MARCO: variants seen among roughly 807,000 people sequenced by gnomAD.
MARCO encodes macrophage receptor MARCO.
In MARCO, 72 loss-of-function variants were observed where a neutral mutation model predicts 70.0. The ratio of observed to expected loss-of-function variants is 1.03; its 90% CI spans 0.85 to 1.25. MARCO has a LOEUF of 1.25. Among genes scored for constraint, MARCO ranks in the 50% most tolerant of loss-of-function variants. The pLI, the probability that MARCO is intolerant of heterozygous loss-of-function variation, is 0.00. For synonymous variants in MARCO, 273 were observed against 243.1 expected (o/e 1.12, Z -1.14); for missense variants, 696 against 659.3 (o/e 1.06, Z -0.61).
Position 118,990,569 on chromosome 2 carries a change from C to CTTTTTTTTTTTTT in MARCO, c.1064-14_1064-13insTTTTTTTTTTTTT. The CTTTTTTTTTTTTT allele has an allele frequency of 1.4e-6, 2 of 1,415,980 alleles. No homozygotes were observed. The highest frequency in any genetic ancestry group is 1.9e-6 in the Non-Finnish European group (2 of 1,028,336). The allele number at this position is 1,415,980 out of a possible 1,614,324, so 87.7% of individuals were successfully genotyped here. On this transcript the variant is annotated intron_variant, in intron 12 of 16. Transcript: ENST00000327097. ...AGTTTTATTATCTCCTCCCCCCCCC[C>CTTTTTTTTTTTTT]TTTTTTGTTTTGATCTTAGGACTTC...
At chr2:118,993,380 G>T (rs930487991) in intron 16 of MARCO, 80 bp downstream of exon 16, 1 of 1,408,532 alleles carries the variant, frequency 7.1e-7, no homozygotes, top group African/African-American at 1.4e-5. Flanking sequence ...GTTGGCAAGT[G>T]ACTCAGTGTG....
rs770724209 is a variant in MARCO, at chr2:118,992,462, A to G, written c.1238A>G (p.Glu413Gly). 4.3e-6 allele frequency: 7 copies of G among 1,609,468 alleles called. No individual in the cohort carries two copies. Among genetic ancestry groups the G allele is most frequent in the East Asian group, 2.2e-5 (1 of 44,800 alleles). The stretch of plus-strand genomic sequence containing the variant: ...TCTGGGGAGCAAGGAGTAAAGGGAG[A>G]AAAAGGTGAAAGAGGTAATCACTAT... ...GSSGEQGVKGEKGERGENSVS... is the reference protein window; with the variant it reads ...GSSGEQGVKGGKGERGENSVS... Residue 413 changes from glutamate to glycine, a missense_variant, in exon 15 of 17, where the codon GAA becomes GGA. Glu to Gly is a moderately conservative substitution (Grantham distance 98, BLOSUM62 -2). Coordinates refer to ENST00000327097, the MANE Select transcript of MARCO (RefSeq NM_006770.4).
At chr2:118,975,188 C>T (rs1680257022) in intron 6 of MARCO, among the ~76,000 whole-genome samples, 1 of 152,200 alleles carries the variant, frequency 6.6e-6, no homozygotes, top group African/African-American at 2.4e-5. Context: ...GGGCCCAGAG[C>T]TGTCCCTCCC....
At chr2:118,980,549 T>A (rs1371565) in intron 8 of MARCO, among the ~76,000 whole-genome samples, 18,934 of 152,246 alleles carry the variant, frequency 0.12, 2,154 homozygotes, top group African/African-American at 0.3. Context: ...AAATCATAGA[T>A]TGGAGCAATA....
At chr2:118,982,973 G>T (rs548677545) in intron 12 of MARCO, among the ~76,000 whole-genome samples, 1 of 152,194 alleles carries the variant, frequency 6.6e-6, no homozygotes, top group African/African-American at 2.4e-5. Flanking sequence ...TTTATAAGCC[G>T]TTTTGGTCCA....
At chr2:118,955,988 T>A (rs1418664401) in intron 1 of MARCO, among the ~76,000 whole-genome samples, 1 of 151,994 alleles carries the variant, frequency 6.6e-6, no homozygotes, top group Non-Finnish European at 1.5e-5. Context: ...TTGAAACAAA[T>A]CCCAGAAATA....
chr2:118,971,739 C>T (rs111646348), intron 4 of MARCO, among the ~76,000 whole-genome samples: 74 of 152,330 alleles, frequency 4.9e-4, no homozygotes, highest in African/African-American at 1.7e-3. Flanking sequence ...CATCCCCCTC[C>T]TTACTTAAAG....
intron 13 of MARCO, 115 bp from the exon 14 acceptor site, chr2:118,991,662 C>G: frequency 1.7e-6 from 1 of 602,180 alleles, no homozygotes; most frequent in Non-Finnish European, 2.9e-6. Flanking sequence ...GATAGCCCAG[C>G]CATGGGGGAG....
In MARCO at chr2:118,973,941, G is replaced by T. The variant is rs750241567; in HGVS notation, c.461-392G>T. Among the ~76,000 whole-genome samples, 17 of 152,358 alleles carry T rather than the reference G, an allele frequency of 1.1e-4. 1 individual carries two copies. In the South Asian group the frequency reaches 1.4e-3, roughly 13 times the overall value. Reference sequence around the variant, plus strand: ...AGAAGACAGACAAGGCCCTGCCCTTGTGAGCCTTCCTGTGAGCTTGCCTTG... The same window carrying T: ...AGAAGACAGACAAGGCCCTGCCCTTTTGAGCCTTCCTGTGAGCTTGCCTTG... On this transcript the variant is annotated intron_variant, in intron 4 of 16. Coordinates refer to ENST00000327097, the MANE Select transcript of MARCO (RefSeq NM_006770.4).
chr2:118,981,825 G>A (rs1019173082), intron 10 of MARCO, among the ~76,000 whole-genome samples, 169 bp downstream of exon 10: 5 of 152,164 alleles, frequency 3.3e-5, no homozygotes, highest in South Asian at 2.1e-4. Context: ...GCCAGTGGGC[G>A]GTGGGGGCAG....
At chr2:118,973,113 T>G in intron 4 of MARCO, among the ~76,000 whole-genome samples, 1 of 150,930 alleles carries the variant, frequency 6.6e-6, no homozygotes, top group African/African-American at 2.4e-5. Context: ...TATAGATGTA[T>G]GTACATAGAG....
At chr2:118,977,637 C>A in intron 7 of MARCO, 122 bp downstream of exon 7, 1 of 888,952 alleles carries the variant, frequency 1.1e-6, no homozygotes, top group Non-Finnish European at 1.8e-6. Context: ...TACTGCCCAC[C>A]CTACAGTCCT....
intron 7 of MARCO, 130 bp downstream of exon 7, chr2:118,977,645 C>G (rs1380458224): frequency 1.2e-6 from 1 of 805,758 alleles, no homozygotes; most frequent in Non-Finnish European, 2.0e-6. Context: ...ACCCTACAGT[C>G]CTCTTCTCTT....
intron 1 of MARCO, among the ~76,000 whole-genome samples, chr2:118,951,540 G>T (rs1679722574): frequency 6.6e-6 from 1 of 152,206 alleles, no homozygotes; most frequent in African/African-American, 2.4e-5. Context: ...CAAAGCAGTT[G>T]CTGCTACAGA....
intron 10 of MARCO, 64 bp from the exon 11 acceptor site, chr2:118,982,092 G>A (rs1680403079): frequency 2.6e-6 from 3 of 1,151,284 alleles, no homozygotes; most frequent in Non-Finnish European, 3.8e-6. Context: ...AGAAGCACTG[G>A]GGGTTGGGGT....
chr2:118,950,844 A>G (rs1028997479), intron 1 of MARCO, among the ~76,000 whole-genome samples: 4 of 152,024 alleles, frequency 2.6e-5, no homozygotes, highest in African/African-American at 9.7e-5. Context: ...TCCAAAGTGA[A>G]CTTCCTTCAT....
chr2:118,981,614 A>C lies in MARCO; in HGVS notation c.866-7A>C, dbSNP rs868609836. 8.1e-6 allele frequency: 13 copies of C among 1,608,410 alleles called. 1 individual carries two copies. The Middle Eastern group carries it at 5.0e-4, about 62-fold the overall frequency. The stretch of plus-strand genomic sequence containing the variant: ...AAAAAATTCCTAAAAGTTCTTTTTC[A>C]TCTTAGGTTTGGCTGGTTTTCCTGG... On this transcript the variant is annotated splice_polypyrimidine_tract_variant and splice_region_variant and intron_variant, in intron 9 of 16. Coordinates refer to ENST00000327097, the MANE Select transcript of MARCO (RefSeq NM_006770.4).
intron 12 of MARCO, among the ~76,000 whole-genome samples, chr2:118,989,019 C>A (rs1450435347): frequency 6.6e-6 from 1 of 152,204 alleles, no homozygotes; most frequent in Non-Finnish European, 1.5e-5. Flanking sequence ...AGCAGGGACA[C>A]CTGGCTCAAG....
In MARCO at chr2:118,942,458, T is replaced by G; in HGVS notation, c.97+61T>G. 3.0e-6 allele frequency: 4 copies of G among 1,324,172 alleles called. 1 individual carries two copies. In the South Asian group the frequency reaches 4.8e-5, roughly 16 times the overall value. 82.0% of individuals were successfully genotyped at this position (1,324,172 alleles called of 1,614,324 possible). On this transcript the variant is annotated intron_variant, in intron 1 of 16. Coordinates refer to ENST00000327097, the MANE Select transcript of MARCO (RefSeq NM_006770.4). ...AAATGTAGTCTTTCTGCTAGCGAGA[T>G]ACGAAAATAGACAAGTCAATAGAAA...
Sources: allele counts gnomAD v4.1 joint callset (sites outside exome capture counted in the v4.1 genomes callset), GRCh38; gene constraint gnomAD v4.1.1; transcripts MANE v1.5; gene names NCBI Gene and HGNC (gene_info 2026-07-23, HGNC 2026-07-21).